The following ACSM4 variants were observed in gnomAD, a reference collection of about 807,000 sequenced individuals.
ACSM4 encodes acyl-CoA synthetase medium chain family member 4.
ACSM4 carries 66 observed loss-of-function variants against 73.0 expected under a neutral mutation model. That is an observed-to-expected ratio of 0.90 (90% confidence interval 0.74 to 1.11). The LOEUF (loss-of-function observed/expected upper bound fraction) is 1.11. Among genes scored for constraint, ACSM4 ranks in the 50% least tolerant of loss-of-function variants. The pLI, the probability that ACSM4 is intolerant of heterozygous loss-of-function variation, is 0.00. For missense variants in ACSM4, 645 were observed against 714.4 expected (o/e 0.90, Z 1.11); for synonymous variants, 222 against 254.0 (o/e 0.87, Z 1.20).
At chr12:7,317,400 A>G in intron 4 of ACSM4, 120 bp downstream of exon 4, 1 of 1,337,130 alleles carries the variant, frequency 7.5e-7, no homozygotes, top group Non-Finnish European at 9.8e-7. Context: ...TAATAGCTAC[A>G]AAACAGAACT....
rs537747930 is a variant in ACSM4 at position 7,319,747 on chromosome 12, A to G, written c.922-978A>G. Among the ~76,000 whole-genome samples, 198 of 152,258 alleles carry G rather than the reference A, an allele frequency of 1.3e-3. 1 individual carries two copies. The highest frequency in any genetic ancestry group is 0.011 in the South Asian group (52 of 4,810). On this transcript the variant is annotated intron_variant, in intron 5 of 12. Transcript: ENST00000399422. ...CTGGTTAAAAGGTCTTACTTAACAT[A>G]AATGTACACTAACCTAAGAACTGAG...
At chr12:7,328,223 C>T in intron 12 of ACSM4, 64 bp from the exon 13 acceptor site, 17 of 1,287,112 alleles carry the variant, frequency 1.3e-5, no homozygotes, top group Non-Finnish European at 1.9e-5. Flanking sequence ...AAGCTCCTTC[C>T]TATCGCACGG....
intron 1 of ACSM4, among the ~76,000 whole-genome samples, chr12:7,305,701 C>T (rs73057731): frequency 0.17 from 25,442 of 152,068 alleles, 2,679 homozygotes; most frequent in Admixed American, 0.28. Context: ...ATGAGCACAA[C>T]GATGAAGGAA....
rs1193176637 is a variant in ACSM4 at position 7,324,418 on chromosome 12, T to G, written c.1436+18T>G. 3.1e-6 allele frequency: 5 copies of G among 1,613,934 alleles called. No individual in the cohort carries two copies. In the African/African-American group the frequency reaches 6.7e-5, roughly 22 times the overall value. On this transcript the variant is annotated intron_variant, in intron 10 of 12. Coordinates refer to ENST00000399422, the MANE Select transcript of ACSM4 (RefSeq NM_001080454.2). ...TCCTCTGGGTTTGTATATTTGCCAC[T>G]CTGAAGAGGTAACAATTCGACAGGG...
At chr12:7,305,693 G>A (rs1001853462) in intron 1 of ACSM4, among the ~76,000 whole-genome samples, 6 of 152,196 alleles carry the variant, frequency 3.9e-5, no homozygotes, top group African/African-American at 1.4e-4. Context: ...TCTGGAGTAT[G>A]AGCACAACGA....
chr12:7,328,331 C>A lies in ACSM4; in HGVS notation c.1701C>A (p.Ile567=). 1.3e-6 allele frequency: 2 copies of A among 1,595,434 alleles called. No individual in the cohort carries two copies. Among genetic ancestry groups the A allele is most frequent in the South Asian group, 1.1e-5 (1 of 87,302 alleles). ...TCCCAAAGACAATCACTGGGAAAAT[C>A]AAACGCAACGTTTTAAGAGACCAAG... The part of the protein sequence containing the change: ...QELPKTITGK[I]KRNVLRDQEW... Residue 567 remains isoleucine, a synonymous_variant, in exon 13 of 13, where the codon ATC becomes ATA. Coordinates refer to ENST00000399422, the MANE Select transcript of ACSM4 (RefSeq NM_001080454.2).
Position 7,327,110 on chromosome 12 carries a change from CA to C in ACSM4, c.1656+19del. 1.3e-6 allele frequency: 2 copies of C among 1,584,706 alleles called. No homozygotes were observed. The highest frequency in any genetic ancestry group is 8.6e-7 in the Non-Finnish European group (1 of 1,165,774). ...ATCCAAGAAAGGCAAGTGCTTTGCC[CA>C]AAAGTTAAGTTTGGATGTTACCAAA... is the stretch of plus-strand genomic sequence containing the variant. On this transcript the variant is annotated intron_variant, in intron 12 of 12. Transcript: ENST00000399422.
In ACSM4 at chr12:7,317,126, A is replaced by G. The variant is rs1388049454; in HGVS notation, c.621-11A>G. On this transcript the variant is annotated splice_polypyrimidine_tract_variant and intron_variant, in intron 3 of 12. Transcript: ENST00000399422. The stretch of plus-strand genomic sequence containing the variant: ...ATCTTCCACCGCCATCTTGGGGTCC[A>G]TATTTTGCAGATTCGCCTCTGAAGA... The G allele has an allele frequency of 6.2e-7, 1 of 1,607,276 alleles. No individual in the cohort carries two copies. The highest frequency in any genetic ancestry group is 8.5e-7 in the Non-Finnish European group (1 of 1,177,266).
chr12:7,313,614 A>G (rs1946402541), intron 3 of ACSM4, among the ~76,000 whole-genome samples: 1 of 152,190 alleles, frequency 6.6e-6, no homozygotes, highest in South Asian at 2.1e-4. Context: ...AGCCAGACTG[A>G]TATTTCTCTT....
At position 7,320,816 on chromosome 12, in the gene ACSM4, GA is replaced by G. The variant is rs1946457162; in HGVS notation, c.1001+15del. The stretch of plus-strand genomic sequence containing the variant: ...AAAGACCTTAAGAGGTACTTGGGCA[GA>G]AATCTCCATTTGAACCACAAACAAT... On this transcript the variant is annotated intron_variant, in intron 6 of 12. Transcript: ENST00000399422. 2.5e-6 allele frequency: 4 copies of G among 1,599,702 alleles called. No homozygotes were observed. The highest frequency in any genetic ancestry group is 3.4e-6 in the Non-Finnish European group (4 of 1,167,308).
At chr12:7,316,916 A>C (rs1363223179) in intron 3 of ACSM4, among the ~76,000 whole-genome samples, 1 of 152,186 alleles carries the variant, frequency 6.6e-6, no homozygotes, top group African/African-American at 2.4e-5. Flanking sequence ...TAGGGAGATG[A>C]AGCTTAAAAA....
At chr12:7,304,722 C>T (rs1037298905) in intron 1 of ACSM4, among the ~76,000 whole-genome samples, 190 bp downstream of exon 1, 15 of 152,166 alleles carry the variant, frequency 9.9e-5, no homozygotes, top group Non-Finnish European at 2.1e-4. Context: ...AATGGCTGGG[C>T]GGCTCTGGAG....
chr12:7,323,582 G>C (rs1361621457), intron 9 of ACSM4, 22 bp downstream of exon 9: 5 of 1,595,958 alleles, frequency 3.1e-6, no homozygotes, highest in Non-Finnish European at 4.3e-6. Context: ...GAAAGTGCTG[G>C]TCATGCTTAA....
chr12:7,319,984 G>C (rs1946447495), intron 5 of ACSM4, among the ~76,000 whole-genome samples: 1 of 152,196 alleles, frequency 6.6e-6, no homozygotes. Context: ...GATACACATG[G>C]TAGAAATGCT....
At chr12:7,311,489 C>T (rs954850590) in intron 3 of ACSM4, among the ~76,000 whole-genome samples, 3 of 152,270 alleles carry the variant, frequency 2.0e-5, no homozygotes, top group Non-Finnish European at 2.9e-5. Flanking sequence ...AAGAAGTTTT[C>T]CTTGACCACA....
rs781065882 is a variant in ACSM4, at chr12:7,310,708, A to T, written c.582A>T (p.Gln194His). ...AGACAAAACTCCTGGTGTCTCCACA[A>T]AGCTGGAATGGGTGGCTCAGCTTCC... ...DLKTKLLVSP[Q>H]SWNGWLSFQE... Residue 194 changes from glutamine to histidine, a missense_variant, in exon 3 of 13, where the codon CAA becomes CAT. Physicochemically the swap from Gln to His is conservative, Grantham distance 24. Coordinates refer to ENST00000399422, the MANE Select transcript of ACSM4 (RefSeq NM_001080454.2). The T allele has an allele frequency of 6.2e-7, 1 of 1,613,566 alleles. No homozygotes were observed. Among genetic ancestry groups the T allele is most frequent in the Admixed American group, 1.7e-5 (1 of 59,976 alleles).
rs140786419 is a variant in ACSM4 at position 7,316,926 on chromosome 12, AAAG to A, written c.621-205_621-203del. On this transcript the variant is annotated intron_variant, in intron 3 of 12. Transcript: ENST00000399422. Reference sequence around the variant, plus strand: ...CCCTATAGGGAGATGAAGCTTAAAAAAAGAAGAACTGGGCTGTTAAATCTTAGC... The same window carrying A: ...CCCTATAGGGAGATGAAGCTTAAAAAAAGAACTGGGCTGTTAAATCTTAGC... 5.9e-5 allele frequency among the ~76,000 whole-genome samples: 9 copies of A among 152,364 alleles called. No individual in the cohort carries two copies. In the East Asian group the frequency reaches 1.2e-3, roughly 20 times the overall value.
intron 11 of ACSM4, 77 bp downstream of exon 11, chr12:7,324,675 C>T (rs73270538): frequency 2.1e-6 from 3 of 1,454,980 alleles, no homozygotes; most frequent in Non-Finnish European, 2.9e-6. Context: ...AAAGGCTGAA[C>T]CAAGAGAGGT....
At chr12:7,322,581 C>G in intron 7 of ACSM4, 40 bp downstream of exon 7, 4 of 1,565,406 alleles carry the variant, frequency 2.6e-6, no homozygotes, top group Non-Finnish European at 3.5e-6. Flanking sequence ...TATGTGGGGG[C>G]CTTTCTGCCC....
Sources: allele counts gnomAD v4.1 joint callset (sites outside exome capture counted in the v4.1 genomes callset), GRCh38; gene constraint gnomAD v4.1.1; transcripts MANE v1.5; gene names NCBI Gene and HGNC (gene_info 2026-07-23, HGNC 2026-07-21).